The following USP10 variants were observed in gnomAD, a reference collection of about 807,000 sequenced individuals.
USP10 encodes the protein ubiquitin carboxyl-terminal hydrolase 10.
A neutral mutation model predicts 84.5 loss-of-function variants in USP10; 22 were observed. That is an observed-to-expected ratio of 0.26 (90% CI 0.19 to 0.37). The LOEUF is 0.37. Among genes scored for constraint, USP10 ranks in the 10% least tolerant of loss-of-function variants. The pLI is 1.00. For missense variants in USP10, 1,019 were observed against 998.9 expected, an observed-to-expected ratio of 1.02 and a Z score of -0.27; for synonymous variants, 454 against 387.6, an observed-to-expected ratio of 1.17 and a Z score of -2.01.
intron 1 of USP10, among the ~76,000 whole-genome samples, chr16:84,707,110 C>G (rs1905631564): frequency 6.6e-6 from 1 of 152,130 alleles, no homozygotes; most frequent in East Asian, 1.9e-4. Flanking sequence ...GGCTGCTGGC[C>G]ATCAGGACCT....
chr16:84,732,728 G>A (rs1356574466), intron 1 of USP10: 5 of 297,858 alleles, frequency 1.7e-5, no homozygotes, highest in East Asian at 2.3e-4. Flanking sequence ...GATTATAGGC[G>A]TGAGCTACTG....
intron 4 of USP10, among the ~76,000 whole-genome samples, chr16:84,753,856 T>C (rs966465613): frequency 2.6e-5 from 4 of 152,232 alleles, no homozygotes; most frequent in Non-Finnish European, 4.4e-5. Flanking sequence ...GAGTAATGAT[T>C]GGCCTTGCCT....
At chr16:84,764,860 A>G (rs1254755533) in intron 10 of USP10, among the ~76,000 whole-genome samples, 2 of 150,222 alleles carry the variant, frequency 1.3e-5, no homozygotes, top group African/African-American at 2.4e-5. Flanking sequence ...ATACAGGAGA[A>G]TGTCATCATG....
rs555948872 is a variant in USP10, at chr16:84,735,048, C to T, written c.90+1545C>T. On this transcript the variant is annotated intron_variant, in intron 2 of 13. Transcript: ENST00000219473. ...ATTTTTTCTTTTCTTTTCTTTTTTT[C>T]GAGACAGGGTCTCACTCTGCCCAGG... Among the ~76,000 whole-genome samples the T allele has an allele frequency of 2.6e-5, 4 of 151,240 alleles. No individual in the cohort carries two copies. The South Asian group carries it at 6.3e-4, about 24-fold the overall frequency.
At chr16:84,735,592 C>T (rs1909832192) in intron 2 of USP10, among the ~76,000 whole-genome samples, 1 of 152,044 alleles carries the variant, frequency 6.6e-6, no homozygotes, top group Non-Finnish European at 1.5e-5. Context: ...GGGAAATCAG[C>T]TAATGTATGG....
At chr16:84,763,456 C>A (rs111315175) in intron 9 of USP10, among the ~76,000 whole-genome samples, 1 of 152,150 alleles carries the variant, frequency 6.6e-6, no homozygotes, top group Non-Finnish European at 1.5e-5. Context: ...TACATACATA[C>A]GCATACATTT....
intron 1 of USP10, among the ~76,000 whole-genome samples, chr16:84,717,622 G>C (rs111350281): frequency 6.6e-6 from 1 of 152,264 alleles, no homozygotes; most frequent in East Asian, 1.9e-4. Context: ...AGGTAGGTAG[G>C]AGGAGGCCAC....
At chr16:84,704,684 A>T in intron 1 of USP10, 1 of 1,468,892 alleles carries the variant, frequency 6.8e-7, no homozygotes, top group South Asian at 1.4e-5. Flanking sequence ...ACCTCGATGT[A>T]GAATCTTCAG....
intron 4 of USP10, 45 bp from the exon 5 acceptor site, chr16:84,758,671 A>G: frequency 1.5e-6 from 2 of 1,320,630 alleles, no homozygotes; most frequent in Non-Finnish European, 2.2e-6. Flanking sequence ...AATGTTCTTC[A>G]CTAGATGTCA....
intron 1 of USP10, among the ~76,000 whole-genome samples, chr16:84,727,749 A>C (rs1233540450): frequency 2.0e-5 from 3 of 152,250 alleles, no homozygotes; most frequent in Non-Finnish European, 4.4e-5. Context: ...ATTTCAGGGA[A>C]GATTACATAC....
chr16:84,714,392 C>T (rs1906724045), intron 1 of USP10, among the ~76,000 whole-genome samples: 2 of 152,146 alleles, frequency 1.3e-5, no homozygotes, highest in African/African-American at 4.8e-5. Flanking sequence ...GTAGCTCACT[C>T]CCTGCACCAT....
intron 1 of USP10, among the ~76,000 whole-genome samples, chr16:84,721,631 C>T (rs1408047226): frequency 6.6e-6 from 1 of 151,716 alleles, no homozygotes; most frequent in Non-Finnish European, 1.5e-5. Context: ...GGGTTCAAGC[C>T]ATCCTCCTGC....
intron 13 of USP10, among the ~76,000 whole-genome samples, chr16:84,776,154 T>G (rs1320022413): frequency 6.6e-6 from 1 of 152,206 alleles, no homozygotes; most frequent in Non-Finnish European, 1.5e-5. Context: ...TATAAAAGAA[T>G]AAACCAGAAC....
rs75278199 is a variant in USP10 at position 84,733,914 on chromosome 16, C to T, written c.90+411C>T. Among the ~76,000 whole-genome samples the T allele has an allele frequency of 5.7e-4, 87 of 152,232 alleles. No homozygotes were observed. In the East Asian group the frequency reaches 0.011, roughly 19 times the overall value. On this transcript the variant is annotated intron_variant, in intron 2 of 13. Coordinates refer to ENST00000219473, the MANE Select transcript of USP10 (RefSeq NM_005153.3). The stretch of plus-strand genomic sequence containing the variant: ...AAATGGTATACTATATTCAGTTTGT[C>T]GTTTATTTTAAGCTAACGTTGTATT...
chr16:84,702,354 C>T (rs961805749), intron 1 of USP10, among the ~76,000 whole-genome samples: 5 of 152,100 alleles, frequency 3.3e-5, no homozygotes, highest in Non-Finnish European at 5.9e-5. Context: ...ACTACTGCGC[C>T]TGGCCGATTT....
At chr16:84,715,107 T>C (rs1234975258) in intron 1 of USP10, among the ~76,000 whole-genome samples, 1 of 151,998 alleles carries the variant, frequency 6.6e-6, no homozygotes, top group African/African-American at 2.4e-5. Flanking sequence ...TTTTATATTT[T>C]TTAGTAGAGA....
intron 12 of USP10, among the ~76,000 whole-genome samples, chr16:84,774,026 G>C (rs1567654266): frequency 1.3e-5 from 2 of 152,166 alleles, no homozygotes; most frequent in East Asian, 3.8e-4. Flanking sequence ...GAGGCAGGCA[G>C]ATCACCTGAG....
chr16:84,759,018 G>A lies in USP10; in HGVS notation c.1284+211G>A, dbSNP rs904744844. Among the ~76,000 whole-genome samples, 7 of 152,204 alleles carry A rather than the reference G, an allele frequency of 4.6e-5. No homozygotes were observed. The East Asian group carries it at 7.7e-4, about 17-fold the overall frequency. ...TCTAAAAGAGAGGATATGTTGGCAC[G>A]TGAATGAGGGCTGCAGACAAGCTGG... On this transcript the variant is annotated intron_variant, in intron 5 of 13. Transcript: ENST00000219473.
At chr16:84,708,205 T>G (rs1038933735) in intron 1 of USP10, among the ~76,000 whole-genome samples, 1 of 152,114 alleles carries the variant, frequency 6.6e-6, no homozygotes, top group Admixed American at 6.5e-5. Flanking sequence ...ATCCCAGCAC[T>G]TTGGGAGGTC....
Sources: allele counts gnomAD v4.1 joint callset (sites outside exome capture counted in the v4.1 genomes callset), GRCh38; gene constraint gnomAD v4.1.1; transcripts MANE v1.5; gene names NCBI Gene and HGNC (gene_info 2026-07-23, HGNC 2026-07-21).